Variants in SLC25A23 observed in about 807,000 individuals in gnomAD.
SLC25A23 encodes mitochondrial adenyl nucleotide antiporter SLC25A23.
Under a neutral mutation model 53.9 loss-of-function variants are expected in SLC25A23, and 32 were observed. That is an observed-to-expected ratio of 0.59 (90% CI 0.45 to 0.80). The LOEUF (loss-of-function observed/expected upper bound fraction) is 0.80, where lower values mean the gene tolerates loss of function less well. Among genes scored for constraint, SLC25A23 ranks in the 30% least tolerant of loss-of-function variants. The pLI, the probability that SLC25A23 is intolerant of heterozygous loss-of-function variation, is 0.00. For missense variants in SLC25A23, 575 were observed against 651.4 expected, an observed-to-expected ratio of 0.88 and a Z score of 1.28; for synonymous variants, 275 against 264.5, an observed-to-expected ratio of 1.04 and a Z score of -0.38.
chr19:6,442,302 C>G, intron 9 of SLC25A23, 143 bp from the exon 10 acceptor site: 1 of 612,676 alleles, frequency 1.6e-6, no homozygotes, highest in Non-Finnish European at 2.8e-6. Flanking sequence ...CACTCAGAGT[C>G]GAGACTTGTA....
chr19:6,454,164 T>C lies in SLC25A23; in HGVS notation c.796-76A>G. 1 of 1,526,674 alleles carries C rather than the reference T, an allele frequency of 6.6e-7. No homozygotes were observed. The highest frequency in any genetic ancestry group is 8.9e-7 in the Non-Finnish European group (1 of 1,123,592). 94.6% of individuals were successfully genotyped at this position (1,526,674 alleles called of 1,614,324 possible). On this transcript the variant is annotated intron_variant, in intron 6 of 9. Coordinates refer to ENST00000301454, the MANE Select transcript of SLC25A23 (RefSeq NM_024103.3). This position sits in a 1 kb window ranked among gnomAD's most constrained non-coding sequence, Gnocchi z 4.3. ...CTTGCACTCCACTGTTCTCCTGGCT[T>C]CCAAAGAACTGGCTTGCTGCAGGCA...
chr19:6,441,910 G>C lies in SLC25A23; in HGVS notation c.*65C>G. The C allele has an allele frequency of 6.7e-7, 1 of 1,488,332 alleles. No homozygotes were observed. The highest frequency in any genetic ancestry group is 1.2e-5 in the South Asian group (1 of 86,692). 92.2% of individuals were successfully genotyped at this position (1,488,332 alleles called of 1,614,324 possible). A position where few individuals can be genotyped will look rare whatever the true frequency, so the allele number is the denominator to read the frequency against. On this transcript the variant is annotated 3_prime_UTR_variant, in exon 10 of 10. Transcript: ENST00000301454. ...CCAAAGAGTAGGGATCCTGTGGTTG[G>C]ATCATCAGTCTCCAGTGGCTGAGGT...
At chr19:6,452,516 C>A in intron 7 of SLC25A23, 37 bp from the exon 8 acceptor site, 1 of 1,574,704 alleles carries the variant, frequency 6.4e-7, no homozygotes, top group South Asian at 1.1e-5. Flanking sequence ...AAAGCTGTCC[C>A]ACCAAATCGC....
chr19:6,443,231 C>T (rs2092450272), intron 9 of SLC25A23, among the ~76,000 whole-genome samples: 1 of 151,996 alleles, frequency 6.6e-6, no homozygotes. Context: ...GAGCCACTAC[C>T]CCTGGCTCCC....
chr19:6,444,424 TA>T (rs1313659647), intron 8 of SLC25A23, 123 bp from the exon 9 acceptor site: 2 of 1,076,018 alleles, frequency 1.9e-6, no homozygotes, highest in Admixed American at 5.2e-5. Flanking sequence ...TGGTACCTCC[TA>T]GGGGCCGGGC....
intron 8 of SLC25A23, among the ~76,000 whole-genome samples, chr19:6,446,221 G>A (rs955034843): frequency 3.9e-5 from 6 of 151,960 alleles, no homozygotes; most frequent in Non-Finnish European, 5.9e-5. Context: ...AAAATTAGCC[G>A]GTGTGGTGGC....
At position 6,458,221 on chromosome 19, in the gene SLC25A23, T is replaced by C; in HGVS notation, c.260A>G (p.His87Arg). ...ACCATCCTGGTTCCGGTCAAGACTG[T>C]GAAACATGAGCAGCAGACGCTGTTC... ...EREQRLLLMF[H>R]SLDRNQDGHI... Residue 87 changes from histidine (H) to arginine (R), a missense_variant, in exon 2 of 10, where the codon CAC (histidine) becomes CGC (arginine). Transcript: ENST00000301454. 6.2e-7 allele frequency: 1 copy of C among 1,613,526 alleles called. No homozygotes were observed. Among genetic ancestry groups the C allele is most frequent in the Non-Finnish European group, 8.5e-7 (1 of 1,179,958 alleles).
chr19:6,458,364 T>C (rs748316244), intron 1 of SLC25A23, 40 bp from the exon 2 acceptor site: 1 of 1,601,560 alleles, frequency 6.2e-7, no homozygotes. Context: ...TCCAGGAACC[T>C]GCTCCTGATC....
At position 6,458,324 on chromosome 19, in the gene SLC25A23, C is replaced by T; in HGVS notation, c.157G>A (p.Gly53Ser). The part of the protein sequence containing the change: ...GGNPDPGAQQ[G>S]ISSEGDADPD... Reference sequence around the variant, plus strand: ...TCAGCATCACCCTCAGAGGAGATACCCTGACAGAGGGAAAGGGGATAGAGG... The same window carrying T: ...TCAGCATCACCCTCAGAGGAGATACTCTGACAGAGGGAAAGGGGATAGAGG... The change falls in exon 2 of 10, where the codon GGT becomes AGT. Residue 53 changes from glycine (G) to serine (S), a missense_variant and splice_region_variant. Transcript: ENST00000301454. 1 of 1,612,226 alleles carries T rather than the reference C, an allele frequency of 6.2e-7. No individual in the cohort carries two copies. The highest frequency in any genetic ancestry group is 1.7e-5 in the Admixed American group (1 of 59,938).
downstream of SLC25A23, chr19:6,438,431 A>G (rs79365403): frequency 0.027 from 4,092 of 152,790 alleles, 59 homozygotes; most frequent in Middle Eastern, 0.049. Context: ...AACACCAAGG[A>G]CCATGTGGCT....
At chr19:6,453,053 T>G (rs372386820) in intron 7 of SLC25A23, among the ~76,000 whole-genome samples, 6 of 152,252 alleles carry the variant, frequency 3.9e-5, no homozygotes, top group African/African-American at 1.4e-4. Context: ...GGGAGGTGTT[T>G]CCTTTTTTAT....
In SLC25A23 at chr19:6,459,192, G is replaced by A. The variant is rs1170362765; in HGVS notation, c.156+281C>T. Among the ~76,000 whole-genome samples, 1 of 152,142 alleles carries A rather than the reference G, an allele frequency of 6.6e-6. No individual in the cohort carries two copies. Among genetic ancestry groups the A allele is most frequent in the Non-Finnish European group, 1.5e-5 (1 of 68,014 alleles). On this transcript the variant is annotated intron_variant, in intron 1 of 9. Coordinates refer to ENST00000301454, the MANE Select transcript of SLC25A23 (RefSeq NM_024103.3). The surrounding 1 kb of genome is among the most constrained non-coding windows in gnomAD (Gnocchi z 4.6). ...GAGGAGGGTGTGTCCCGGGCAGTGG[G>A]CAGGAAAGCGCCCCCATCTCTTCCC...
chr19:6,436,215 G>A (rs1294121581), downstream of SLC25A23: 3 of 283,202 alleles, frequency 1.1e-5, no homozygotes, highest in African/African-American at 4.3e-5. Flanking sequence ...AGGAGCCGCT[G>A]AGCCGGCTGT....
intron 8 of SLC25A23, among the ~76,000 whole-genome samples, chr19:6,448,916 C>T (rs544360454): frequency 2.6e-5 from 4 of 151,696 alleles, no homozygotes; most frequent in African/African-American, 9.7e-5. Flanking sequence ...CCCAGCTACT[C>T]GGCAGGCTGA....
At chr19:6,437,267 C>T (rs897516846), downstream of SLC25A23, among the ~76,000 whole-genome samples, 2 of 152,142 alleles carry the variant, frequency 1.3e-5, no homozygotes, top group Admixed American at 1.3e-4. Context: ...CCCGACCTCC[C>T]AAAGTGCTGG....
chr19:6,459,753 C>A lies in SLC25A23; in HGVS notation c.-125G>T, dbSNP rs1342924779. ...GCGGCCGCCGGCTCCGCAGCCTCCG[C>A]GCAGTCCGCTCGGCTCTGGCACTTG... On this transcript the variant is annotated 5_prime_UTR_variant, in exon 1 of 10. Transcript: ENST00000301454. The surrounding 1 kb of genome is among the most constrained non-coding windows in gnomAD (Gnocchi z 4.6). The A allele has an allele frequency of 1.0e-5, 8 of 794,382 alleles. No homozygotes were observed. In the East Asian group the frequency reaches 2.9e-4, roughly 28 times the overall value. The allele number at this position is 794,382 out of a possible 1,614,324, so 49.2% of individuals were successfully genotyped here.
At chr19:6,447,164 T>G (rs1028261239) in intron 8 of SLC25A23, among the ~76,000 whole-genome samples, 1 of 152,324 alleles carries the variant, frequency 6.6e-6, no homozygotes, top group East Asian at 1.9e-4. Context: ...TGTGATACTT[T>G]GTTACAGCAG....
intron 9 of SLC25A23, chr19:6,443,542 A>G (rs1367123574): frequency 2.9e-6 from 2 of 700,496 alleles, no homozygotes; most frequent in Non-Finnish European, 5.2e-6. Flanking sequence ...TCTCCCCTTT[A>G]TACAACCCTA....
chr19:6,459,757 GTCCGC>G lies in SLC25A23; in HGVS notation c.-134_-130del. 1.3e-6 allele frequency: 1 copy of G among 768,902 alleles called. No homozygotes were observed. Among genetic ancestry groups the G allele is most frequent in the South Asian group, 6.2e-5 (1 of 16,240 alleles). The allele number at this position is 768,902 out of a possible 1,614,324, so 47.6% of individuals were successfully genotyped here. A position where few individuals can be genotyped will look rare whatever the true frequency, so the allele number is the denominator to read the frequency against. Reference sequence around the variant, plus strand: ...CCGCCGGCTCCGCAGCCTCCGCGCAGTCCGCTCGGCTCTGGCACTTGCGGGAGGTG... The same window carrying G: ...CCGCCGGCTCCGCAGCCTCCGCGCAGTCGGCTCTGGCACTTGCGGGAGGTG... On this transcript the variant is annotated 5_prime_UTR_variant, in exon 1 of 10. Coordinates refer to ENST00000301454, the MANE Select transcript of SLC25A23 (RefSeq NM_024103.3). This position sits in a 1 kb window ranked among gnomAD's most constrained non-coding sequence, Gnocchi z 4.6.
Sources: allele counts gnomAD v4.1 joint callset (sites outside exome capture counted in the v4.1 genomes callset), GRCh38; gene constraint gnomAD v4.1.1; non-coding constraint Gnocchi (gnomAD v3.1); transcripts MANE v1.5; gene names NCBI Gene and HGNC (gene_info 2026-07-23, HGNC 2026-07-21).